The following ZCCHC7 variants were observed in gnomAD, a reference collection of about 807,000 sequenced individuals.
ZCCHC7 encodes zinc finger CCHC domain-containing protein 7.
Under a neutral mutation model 52.0 loss-of-function variants are expected in ZCCHC7, and 35 were observed. That is an observed-to-expected ratio of 0.67 (90% CI 0.51 to 0.89). The LOEUF (loss-of-function observed/expected upper bound fraction) is 0.89. Among genes scored for constraint, ZCCHC7 ranks in the 40% least tolerant of loss-of-function variants. The pLI is 0.00. For synonymous variants in ZCCHC7, 217 were observed against 221.5 expected (o/e 0.98, Z 0.18); for missense variants, 574 against 649.1 (o/e 0.88, Z 1.26).
intron 2 of ZCCHC7, among the ~76,000 whole-genome samples, chr9:37,289,150 CTTT>C (rs756165414): frequency 7.1e-6 from 1 of 141,448 alleles, no homozygotes. Context: ...TCTTCTTTTA[CTTT>C]TTTTTTTTTT....
intron 2 of ZCCHC7, among the ~76,000 whole-genome samples, chr9:37,267,167 T>G (rs1827145074): frequency 6.6e-6 from 1 of 152,154 alleles, no homozygotes; most frequent in Non-Finnish European, 1.5e-5. Flanking sequence ...TAGTATAATA[T>G]AAAAAGTCTT....
At chr9:37,261,353 A>G (rs1368195664) in intron 2 of ZCCHC7, among the ~76,000 whole-genome samples, 1 of 152,214 alleles carries the variant, frequency 6.6e-6, no homozygotes, top group Non-Finnish European at 1.5e-5. Context: ...CACAGACCCC[A>G]GATTGCACTC....
Position 37,320,904 on chromosome 9 carries a change from G to A in ZCCHC7, c.952-6895G>A, listed in dbSNP as rs114629425. 4.3e-3 allele frequency among the ~76,000 whole-genome samples: 653 copies of A among 151,938 alleles called. 5 individuals are homozygous for A. Among genetic ancestry groups the A allele is most frequent in the African/African-American group, 0.014 (599 of 41,440 alleles). Reference sequence around the variant, plus strand: ...TAGTTAACTAAGGTGAATTAGGATTGGATTTGGTGGTTTTAAACAATTTGC... The same window carrying A: ...TAGTTAACTAAGGTGAATTAGGATTAGATTTGGTGGTTTTAAACAATTTGC... On this transcript the variant is annotated intron_variant, in intron 5 of 8. Coordinates refer to ENST00000336755, the MANE Select transcript of ZCCHC7 (RefSeq NM_032226.3).
chr9:37,176,120 C>T (rs1357752979), intron 2 of ZCCHC7, among the ~76,000 whole-genome samples: 1 of 152,112 alleles, frequency 6.6e-6, no homozygotes, highest in African/African-American at 2.4e-5. Flanking sequence ...GTCACCCAGG[C>T]TGGAGTCCAG....
chr9:37,162,212 TATAC>T (rs1207154232), intron 2 of ZCCHC7, among the ~76,000 whole-genome samples: 1 of 152,026 alleles, frequency 6.6e-6, no homozygotes, highest in Non-Finnish European at 1.5e-5. Flanking sequence ...TACATAGAAT[TATAC>T]ATAATATACT....
intron 2 of ZCCHC7, among the ~76,000 whole-genome samples, chr9:37,244,269 A>G (rs1050616425): frequency 6.6e-6 from 1 of 151,286 alleles, no homozygotes; most frequent in Non-Finnish European, 1.5e-5. Context: ...AAAGAAAGAA[A>G]GAAGAAAAAG....
In ZCCHC7 at chr9:37,121,871, G is replaced by A. The variant is rs138618591; in HGVS notation, c.-22+1248G>A. ...TTTGTGACTTTTGTTTTACACATTT[G>A]GATTCTCCATCCCAATCAGATTTGA... On this transcript the variant is annotated intron_variant, in intron 1 of 8. Transcript: ENST00000336755. Among the ~76,000 whole-genome samples, 1,258 of 152,188 alleles carry A rather than the reference G, an allele frequency of 8.3e-3. 6 individuals carry two copies. Among genetic ancestry groups the A allele is most frequent in the Non-Finnish European group, 0.014 (939 of 68,018 alleles).
intron 2 of ZCCHC7, among the ~76,000 whole-genome samples, chr9:37,214,632 CTTAT>C (rs949873136): frequency 1.3e-5 from 2 of 151,746 alleles, no homozygotes; most frequent in African/African-American, 2.4e-5. Context: ...TATTTTAATT[CTTAT>C]TTATTAGTTG....
At chr9:37,299,173 G>A (rs1444143167) in intron 2 of ZCCHC7, among the ~76,000 whole-genome samples, 1 of 152,124 alleles carries the variant, frequency 6.6e-6, no homozygotes, top group Non-Finnish European at 1.5e-5. Context: ...TACAATTCAG[G>A]GCAGTCCCAT....
chr9:37,181,956 A>G (rs1822379996), intron 2 of ZCCHC7, among the ~76,000 whole-genome samples: 1 of 152,178 alleles, frequency 6.6e-6, no homozygotes, highest in Admixed American at 6.5e-5. Context: ...AAGTGCTGGG[A>G]TTCAGGCATG....
chr9:37,232,384 C>T (rs1467437568), intron 2 of ZCCHC7, among the ~76,000 whole-genome samples: 1 of 152,242 alleles, frequency 6.6e-6, no homozygotes, highest in African/African-American at 2.4e-5. Flanking sequence ...TACTCCCCCT[C>T]ACCCTCACCT....
intron 2 of ZCCHC7, among the ~76,000 whole-genome samples, chr9:37,130,605 G>C (rs376356318): frequency 2.0e-5 from 3 of 150,550 alleles, no homozygotes; most frequent in Admixed American, 6.6e-5. Context: ...CCATTCTCCT[G>C]CCTCAGCCTC....
chr9:37,331,006 C>A (rs1309541884), intron 6 of ZCCHC7, among the ~76,000 whole-genome samples: 1 of 151,634 alleles, frequency 6.6e-6, no homozygotes, highest in Non-Finnish European at 1.5e-5. Context: ...TGTTAAGAAT[C>A]GAAAAGGACA....
At chr9:37,243,814 A>G (rs969955474) in intron 2 of ZCCHC7, among the ~76,000 whole-genome samples, 1 of 152,024 alleles carries the variant, frequency 6.6e-6, no homozygotes, top group East Asian at 1.9e-4. Context: ...TCAAAGTTCA[A>G]GTGGAAACAT....
At chr9:37,283,669 A>G (rs1828077654) in intron 2 of ZCCHC7, among the ~76,000 whole-genome samples, 1 of 152,192 alleles carries the variant, frequency 6.6e-6, no homozygotes. Context: ...CACCTCAGTT[A>G]GATCATAGTA....
chr9:37,331,456 C>T (rs1386761621), intron 6 of ZCCHC7, among the ~76,000 whole-genome samples: 1 of 151,532 alleles, frequency 6.6e-6, no homozygotes, highest in Non-Finnish European at 1.5e-5. Context: ...TTCTCTAAAG[C>T]ATTCTATGCC....
chr9:37,333,475 T>C (rs1300720365), intron 6 of ZCCHC7, among the ~76,000 whole-genome samples: 1 of 151,746 alleles, frequency 6.6e-6, no homozygotes, highest in South Asian at 2.1e-4. Flanking sequence ...AAGACCAGTA[T>C]ATTTAGGACT....
Position 37,199,847 on chromosome 9 carries a change from G to T in ZCCHC7, c.610+72905G>T, listed in dbSNP as rs914690603. Among the ~76,000 whole-genome samples, 17 of 151,988 alleles carry T rather than the reference G, an allele frequency of 1.1e-4. No individual in the cohort carries two copies. The East Asian group carries it at 3.3e-3, about 29-fold the overall frequency. ...CAGCCTCCCAGTAGCTGGGACTACAGGCACCCGCCACCACGCCCGGCTAAT... is the reference window on the plus strand; with the variant it reads ...CAGCCTCCCAGTAGCTGGGACTACATGCACCCGCCACCACGCCCGGCTAAT... On this transcript the variant is annotated intron_variant, in intron 2 of 8. Coordinates refer to ENST00000336755, the MANE Select transcript of ZCCHC7 (RefSeq NM_032226.3).
intron 2 of ZCCHC7, among the ~76,000 whole-genome samples, chr9:37,202,773 C>T (rs1413325447): frequency 2.0e-5 from 3 of 152,228 alleles, no homozygotes; most frequent in East Asian, 1.9e-4. Context: ...TAAGCCATCA[C>T]GCCCGGCCCT....
Sources: gnomAD v4.1 joint callset for allele counts (sites outside exome capture counted in the v4.1 genomes callset) on GRCh38, gnomAD v4.1.1 for gene constraint, MANE v1.5 for transcripts, NCBI Gene and HGNC (gene_info 2026-07-23, HGNC 2026-07-21) for gene names.